The following DNAJC19 variants were observed in gnomAD, a reference collection of about 807,000 sequenced individuals.
DNAJC19 encodes the protein mitochondrial import inner membrane translocase subunit TIM14.
A neutral mutation model predicts 19.8 loss-of-function variants in DNAJC19; 15 were observed. The ratio of observed to expected loss-of-function variants is 0.76; its 90% confidence interval spans 0.51 to 1.17. DNAJC19 has a LOEUF of 1.17. DNAJC19 is among the 50% of genes most tolerant of loss of function. The pLI, the probability that DNAJC19 is intolerant of heterozygous loss-of-function variation, is 0.00. For missense variants in DNAJC19, 105 were observed against 140.9 expected (o/e 0.75, Z 1.29); for synonymous variants, 38 against 42.1 (o/e 0.90, Z 0.38).
intron 3 of DNAJC19, 27 bp from the exon 4 acceptor site, chr3:180,987,049 A>C: frequency 6.3e-7 from 1 of 1,592,930 alleles, no homozygotes; most frequent in Non-Finnish European, 8.6e-7. Context: ...ATTTGTAAAG[A>C]AAGGTTAATA....
At chr3:180,984,733 AC>A in intron 5 of DNAJC19, 23 bp from the exon 6 acceptor site, 2 of 1,545,040 alleles carry the variant, frequency 1.3e-6, no homozygotes, top group Non-Finnish European at 1.8e-6. Context: ...AGAAAAAAGA[AC>A]AGTTACAATA....
At chr3:180,986,785 G>T in intron 4 of DNAJC19, 158 bp downstream of exon 4, 1 of 659,162 alleles carries the variant, frequency 1.5e-6, no homozygotes, top group South Asian at 1.8e-5. Flanking sequence ...TAACATGAAG[G>T]AACAGTACAG....
In DNAJC19 at chr3:180,984,346, C is replaced by T. The variant is rs1400933381; in HGVS notation, c.*294G>A. 4 of 473,158 alleles carry T rather than the reference C, an allele frequency of 8.5e-6. No individual in the cohort carries two copies. Among genetic ancestry groups the T allele is most frequent in the Non-Finnish European group, 1.7e-5 (4 of 239,190 alleles). The allele number at this position is 473,158 out of a possible 1,614,324, so 29.3% of individuals were successfully genotyped here. ...GGGGCTCCCTGAGAGCAAGGACTGT[C>T]ATCTTCACTTTGCCTTGAAAAGTAG... On this transcript the variant is annotated 3_prime_UTR_variant, in exon 6 of 6. Coordinates refer to ENST00000382564, the MANE Select transcript of DNAJC19 (RefSeq NM_145261.4).
chr3:180,988,192 G>A lies in DNAJC19; in HGVS notation c.41C>T (p.Ala14Val), dbSNP rs1419296050. 6.2e-7 allele frequency: 1 copy of A among 1,614,018 alleles called. No individual in the cohort carries two copies. The highest frequency in any genetic ancestry group is 8.5e-7 in the Non-Finnish European group (1 of 1,180,030). The part of the protein sequence containing the change: ...TVVAVGLTIA[A>V]AGFAGRYVLQ... ...CATAAACAAACCTGCAAATCCTGCA[G>A]CAGCAATGGTCAGTCCAACTGCTAC... Residue 14 changes from alanine to valine, a missense_variant, in exon 2 of 6, where the codon GCT (alanine) becomes GTT (valine). Transcript: ENST00000382564.
chr3:180,986,813 G>A lies in DNAJC19; in HGVS notation c.209+130C>T, dbSNP rs1010164531. On this transcript the variant is annotated intron_variant, in intron 4 of 5. Coordinates refer to ENST00000382564, the MANE Select transcript of DNAJC19 (RefSeq NM_145261.4). Reference sequence around the variant, plus strand: ...CAGTACAGTTTCATTGATTAGAATTGGTAATATCAATCTTCCTAGGACAAA... The same window carrying A: ...CAGTACAGTTTCATTGATTAGAATTAGTAATATCAATCTTCCTAGGACAAA... 5 of 760,902 alleles carry A rather than the reference G, an allele frequency of 6.6e-6. No individual in the cohort carries two copies. In the African/African-American group the frequency reaches 7.0e-5, roughly 11 times the overall value. The allele number at this position is 760,902 out of a possible 1,614,324, so 47.1% of individuals were successfully genotyped here.
chr3:180,985,091 CATG>C (rs948599345), intron 5 of DNAJC19, among the ~76,000 whole-genome samples: 22 of 151,864 alleles, frequency 1.4e-4, no homozygotes, highest in Non-Finnish European at 2.6e-4. Flanking sequence ...ATTTTAATAC[CATG>C]ATATTCTCAG....
chr3:180,986,996 A>T lies in DNAJC19; in HGVS notation c.156T>A (p.Gly52=). 1 of 1,614,034 alleles carries T rather than the reference A, an allele frequency of 6.2e-7. No homozygotes were observed. The highest frequency in any genetic ancestry group is 1.1e-5 in the South Asian group (1 of 91,074). Residue 52 remains glycine, a synonymous_variant, in exon 4 of 6, where the codon GGT becomes GGA. Coordinates refer to ENST00000382564, the MANE Select transcript of DNAJC19 (RefSeq NM_145261.4). The part of the protein sequence containing the change: ...KSAFSGGYYR[G]GFEPKMTKRE... ...GTTTTGTCATTTTGGGTTCAAACCC[A>T]CCTCTATAATAGCCACCACTGAAGG... is the stretch of plus-strand genomic sequence containing the variant.
At chr3:180,988,117 A>C in intron 2 of DNAJC19, 21 bp from the exon 3 acceptor site, 1 of 1,614,190 alleles carries the variant, frequency 6.2e-7, no homozygotes. Context: ...AAGCAACAGA[A>C]TAAGTAAACT....
chr3:180,984,935 T>A (rs558499393), intron 5 of DNAJC19, among the ~76,000 whole-genome samples: 4 of 152,134 alleles, frequency 2.6e-5, no homozygotes, highest in South Asian at 4.1e-4. Context: ...GAGATATTTC[T>A]ACAAAAATAA....
Position 180,989,702 on chromosome 3 carries a change from C to T in DNAJC19, c.-100G>A, listed in dbSNP as rs1385756831. 1 of 1,540,112 alleles carries T rather than the reference C, an allele frequency of 6.5e-7. No individual in the cohort carries two copies. Among genetic ancestry groups the T allele is most frequent in the Non-Finnish European group, 8.8e-7 (1 of 1,141,140 alleles). ...ACGCCTTTACCAGAGAGCGACGCAACCCCCAACCTCAAGCACAGGCGCCCT... is the reference window on the plus strand; with the variant it reads ...ACGCCTTTACCAGAGAGCGACGCAATCCCCAACCTCAAGCACAGGCGCCCT... On this transcript the variant is annotated 5_prime_UTR_variant, in exon 1 of 6. Transcript: ENST00000382564.
chr3:180,987,982 A>C lies in DNAJC19; in HGVS notation c.129+41T>G, dbSNP rs763412042. On this transcript the variant is annotated intron_variant, in intron 3 of 5. Coordinates refer to ENST00000382564, the MANE Select transcript of DNAJC19 (RefSeq NM_145261.4). Reference sequence around the variant, plus strand: ...TTTACCCTTCCCTAAGTGTGGCTCTAGGTTTCAAATAGAAGCAGCAAAGAA... The same window carrying C: ...TTTACCCTTCCCTAAGTGTGGCTCTCGGTTTCAAATAGAAGCAGCAAAGAA... 6.8e-6 allele frequency: 11 copies of C among 1,608,618 alleles called. No individual in the cohort carries two copies. In the South Asian group the frequency reaches 1.1e-4, roughly 16 times the overall value.
At position 180,983,805 on chromosome 3, in the gene DNAJC19, G is replaced by A. The variant is rs1714741502; in HGVS notation, c.*835C>T. 1 of 453,750 alleles carries A rather than the reference G, an allele frequency of 2.2e-6. No individual in the cohort carries two copies. The highest frequency in any genetic ancestry group is 4.4e-6 in the Non-Finnish European group (1 of 226,722). The allele number at this position is 453,750 out of a possible 1,614,324, so 28.1% of individuals were successfully genotyped here. Reference sequence around the variant, plus strand: ...TGAGAACATTTCAGTTTTCAGTTTTGCTAACAGGGTTTAAGCTTAATCATA... The same window carrying A: ...TGAGAACATTTCAGTTTTCAGTTTTACTAACAGGGTTTAAGCTTAATCATA... On this transcript the variant is annotated 3_prime_UTR_variant, in exon 6 of 6. Transcript: ENST00000382564.
rs1253493498 is a variant in DNAJC19, at chr3:180,983,764, TTAAA to T, written c.*872_*875del. 1.8e-5 allele frequency: 8 copies of T among 451,404 alleles called. No homozygotes were observed. The highest frequency in any genetic ancestry group is 1.0e-4 in the African/African-American group (5 of 49,862). The allele number at this position is 451,404 out of a possible 1,614,324, so 28.0% of individuals were successfully genotyped here. A position where few individuals can be genotyped will look rare whatever the true frequency, so the allele number is the denominator to read the frequency against. On this transcript the variant is annotated 3_prime_UTR_variant, in exon 6 of 6. Transcript: ENST00000382564. ...GTGTATAAATTCTAAAGAGTCCAAATTAAATATGTTGATATTGAGAACATTTCAG... is the reference window on the plus strand; with the variant it reads ...GTGTATAAATTCTAAAGAGTCCAAATTATGTTGATATTGAGAACATTTCAG...
Position 180,989,284 on chromosome 3 carries a change from T to C in DNAJC19, c.3+316A>G, listed in dbSNP as rs1333342837. 3.0e-6 allele frequency: 4 copies of C among 1,354,138 alleles called. No homozygotes were observed. Among genetic ancestry groups the C allele is most frequent in the East Asian group, 3.0e-5 (1 of 33,572 alleles). 83.9% of individuals were successfully genotyped at this position (1,354,138 alleles called of 1,614,324 possible). On this transcript the variant is annotated intron_variant, in intron 1 of 5. Coordinates refer to ENST00000382564, the MANE Select transcript of DNAJC19 (RefSeq NM_145261.4). ...AGATGTGTTAGGGCAAGGGCACTTA[T>C]AATCAAATACGTTTCCACTAATCTC...
At chr3:180,984,749 T>G (rs1353271983) in intron 5 of DNAJC19, 39 bp from the exon 6 acceptor site, 1 of 1,434,644 alleles carries the variant, frequency 7.0e-7, no homozygotes, top group African/African-American at 1.4e-5. Context: ...ACAATATGGA[T>G]TCTCAATTTC....
Position 180,989,733 on chromosome 3 carries a change from A to G in DNAJC19, c.-131T>C, listed in dbSNP as rs1357832544. On this transcript the variant is annotated 5_prime_UTR_variant, in exon 1 of 6. Transcript: ENST00000382564. ...ACCTCAAGCACAGGCGCCCTACGCA[A>G]CACGGCAGGAGCAGCCGCAAACTAG... 1 of 1,465,568 alleles carries G rather than the reference A, an allele frequency of 6.8e-7. No homozygotes were observed. Among genetic ancestry groups the G allele is most frequent in the Non-Finnish European group, 9.3e-7 (1 of 1,077,882 alleles). 90.8% of individuals were successfully genotyped at this position (1,465,568 alleles called of 1,614,324 possible).
At position 180,988,220 on chromosome 3, in the gene DNAJC19, C is replaced by T. The variant is rs1476686063; in HGVS notation, c.13G>A (p.Val5Met). Residue 5 changes from valine (V) to methionine (M), a missense_variant, in exon 2 of 6, where the codon GTG (valine) becomes ATG (methionine). Transcript: ENST00000382564. ...GCAATGGTCAGTCCAACTGCTACCACTGTACTGGCCTGGTAAGGGGGAGAA... is the reference window on the plus strand; with the variant it reads ...GCAATGGTCAGTCCAACTGCTACCATTGTACTGGCCTGGTAAGGGGGAGAA... The part of the protein sequence containing the change: MAST[V>M]VAVGLTIAAA... 1.9e-6 allele frequency: 3 copies of T among 1,614,092 alleles called. No individual in the cohort carries two copies. The highest frequency in any genetic ancestry group is 2.5e-6 in the Non-Finnish European group (3 of 1,180,036).
intron 2 of DNAJC19, 36 bp downstream of exon 2, chr3:180,988,142 C>T (rs367652442): frequency 3.7e-5 from 60 of 1,614,016 alleles, no homozygotes; most frequent in Non-Finnish European, 4.6e-5. Context: ...CTCCAATCTC[C>T]CCGACTTCAC....
chr3:180,986,849 A>G (rs1714935073), intron 4 of DNAJC19, 94 bp downstream of exon 4: 2 of 1,016,508 alleles, frequency 2.0e-6, no homozygotes, highest in Admixed American at 1.7e-5. Flanking sequence ...ATCCCCCATG[A>G]CCCTCTCCTA....
Sources: allele counts gnomAD v4.1 joint callset (sites outside exome capture counted in the v4.1 genomes callset), GRCh38; gene constraint gnomAD v4.1.1; transcripts MANE v1.5; gene names NCBI Gene and HGNC (gene_info 2026-07-23, HGNC 2026-07-21).